The following ARL6IP5 variants were observed in gnomAD, a reference collection of about 807,000 sequenced individuals.
ARL6IP5 encodes the protein ARF like GTPase 6 interacting protein 5.
Under a neutral mutation model 13.0 loss-of-function variants are expected in ARL6IP5, and 6 were observed. The ratio of observed to expected loss-of-function variants is 0.46; its 90% confidence interval spans 0.25 to 0.91. The LOEUF is 0.91. Ranked by LOEUF, ARL6IP5 falls within the 40% of genes least tolerant of loss-of-function variation. ARL6IP5 has a pLI of 0.17. For synonymous variants in ARL6IP5, 91 were observed against 91.9 expected (o/e 0.99, Z 0.06); for missense variants, 208 against 248.8 (o/e 0.84, Z 1.10).
intron 1 of ARL6IP5, among the ~76,000 whole-genome samples, chr3:69,090,924 T>C (rs1453142775): frequency 6.6e-6 from 1 of 152,230 alleles, no homozygotes; most frequent in Non-Finnish European, 1.5e-5. Flanking sequence ...AGGCTGGACA[T>C]GATGGCTCAC....
rs1251313653 is a variant in ARL6IP5, at chr3:69,104,489, A to G, written c.420A>G (p.Arg140=). ...LLLMFIHASL[R]LRNLKNKLEN... ...TGATGTTTATCCATGCATCGTTGAG[A>G]CTTCGGAACCTCAAGAACAAACTGG... is the stretch of plus-strand genomic sequence containing the variant. Residue 140 remains arginine (R), a synonymous_variant, in exon 3 of 3, where the codon AGA becomes AGG. Coordinates refer to ENST00000273258, the MANE Select transcript of ARL6IP5 (RefSeq NM_006407.4). The G allele has an allele frequency of 6.2e-7, 1 of 1,613,960 alleles. No individual in the cohort carries two copies. The highest frequency in any genetic ancestry group is 8.5e-7 in the Non-Finnish European group (1 of 1,179,896).
chr3:69,090,056 T>TTCTA, intron 1 of ARL6IP5: 1 of 275,726 alleles, frequency 3.6e-6, no homozygotes, highest in Non-Finnish European at 7.3e-6. Flanking sequence ...CTGTAATATG[T>TTCTA]TCTAGGCCTG....
Position 69,089,326 on chromosome 3 carries a change from G to A in ARL6IP5, c.176+4103G>A, listed in dbSNP as rs146055670. ...AGAAATACTGATCCTCTTGAACCCC[G>A]TAACTTCTGAAATGTAAAAGCTCGA... is the stretch of plus-strand genomic sequence containing the variant. On this transcript the variant is annotated intron_variant, in intron 1 of 2. Transcript: ENST00000273258. Among the ~76,000 whole-genome samples, 25 of 152,092 alleles carry A rather than the reference G, an allele frequency of 1.6e-4. 1 individual carries two copies. The highest frequency in any genetic ancestry group is 5.5e-4 in the African/African-American group (23 of 41,496).
chr3:69,086,404 G>T (rs776486120), intron 1 of ARL6IP5, among the ~76,000 whole-genome samples: 1 of 152,234 alleles, frequency 6.6e-6, no homozygotes, highest in Non-Finnish European at 1.5e-5. Context: ...ACAGAGGAGA[G>T]GGGGAGACTT....
intron 1 of ARL6IP5, among the ~76,000 whole-genome samples, chr3:69,094,411 GT>G (rs1384370513): frequency 1.3e-5 from 2 of 152,212 alleles, no homozygotes; most frequent in African/African-American, 4.8e-5. Flanking sequence ...CTTGTAGAAT[GT>G]TTAAAGAATT....
chr3:69,085,311 C>G, intron 1 of ARL6IP5, 88 bp downstream of exon 1: 2 of 1,458,506 alleles, frequency 1.4e-6, no homozygotes, highest in Admixed American at 4.3e-5. Flanking sequence ...TAGAGACGCT[C>G]TCTGACCACG....
intron 1 of ARL6IP5, among the ~76,000 whole-genome samples, chr3:69,090,547 A>G (rs1308569097): frequency 1.3e-5 from 2 of 152,200 alleles, no homozygotes; most frequent in Non-Finnish European, 2.9e-5. Context: ...TCCCCTGTAC[A>G]TTATTACTCC....
In ARL6IP5 at chr3:69,085,105, C is replaced by G; in HGVS notation, c.58C>G (p.Arg20Gly). ...AWDDFFPGSD[R>G]FARPDFRDIS... Reference sequence around the variant, plus strand: ...GGACGATTTCTTCCCGGGTTCCGATCGCTTTGCCCGGCCGGACTTCAGGGA... The same window carrying G: ...GGACGATTTCTTCCCGGGTTCCGATGGCTTTGCCCGGCCGGACTTCAGGGA... The change falls in exon 1 of 3, where the codon CGC becomes GGC. Residue 20 changes from arginine (R) to glycine (G), a missense_variant. Coordinates refer to ENST00000273258, the MANE Select transcript of ARL6IP5 (RefSeq NM_006407.4). The G allele has an allele frequency of 3.1e-6, 5 of 1,614,220 alleles. No individual in the cohort carries two copies. The East Asian group carries it at 8.9e-5, about 29-fold the overall frequency.
At chr3:69,103,377 GCTGTAGT>G (rs1432936765) in intron 2 of ARL6IP5, among the ~76,000 whole-genome samples, 1 of 152,206 alleles carries the variant, frequency 6.6e-6, no homozygotes, top group Non-Finnish European at 1.5e-5. Context: ...TCCTATATGG[GCTGTAGT>G]TCACTCATCT....
At chr3:69,097,195 C>G (rs889791084) in intron 1 of ARL6IP5, among the ~76,000 whole-genome samples, 2 of 152,132 alleles carry the variant, frequency 1.3e-5, no homozygotes, top group African/African-American at 4.8e-5. Context: ...GGATCTCACT[C>G]TGTTACCCAG....
At chr3:69,095,652 GC>G (rs781310946) in intron 1 of ARL6IP5, among the ~76,000 whole-genome samples, 3 of 152,014 alleles carry the variant, frequency 2.0e-5, no homozygotes, top group Non-Finnish European at 4.4e-5. Context: ...GCGCCACCAC[GC>G]CCAGCTAATT....
At chr3:69,092,819 CT>C (rs201632976) in intron 1 of ARL6IP5, among the ~76,000 whole-genome samples, 19,523 of 139,622 alleles carry the variant, frequency 0.14, 1,332 homozygotes, top group East Asian at 0.28. Context: ...TGTACCCAGC[CT>C]TTTTTTTTTT....
chr3:69,087,618 C>T (rs1480328803), intron 1 of ARL6IP5, among the ~76,000 whole-genome samples: 8 of 152,230 alleles, frequency 5.3e-5, no homozygotes, highest in Non-Finnish European at 1.0e-4. Context: ...AAATATAGCT[C>T]CGTCAGTATT....
intron 1 of ARL6IP5, among the ~76,000 whole-genome samples, chr3:69,098,491 C>T (rs1402114976): frequency 5.3e-5 from 8 of 152,028 alleles, no homozygotes; most frequent in East Asian, 1.9e-4. Flanking sequence ...GTGATCTGCC[C>T]GCCTCAGCCT....
chr3:69,100,959 T>C (rs1373859896), intron 1 of ARL6IP5, among the ~76,000 whole-genome samples: 1 of 152,048 alleles, frequency 6.6e-6, no homozygotes, highest in East Asian at 1.9e-4. Context: ...CTAGCACTGT[T>C]ATTTTCTTGT....
At chr3:69,104,339 G>A in intron 2 of ARL6IP5, 125 bp from the exon 3 acceptor site, 5 of 930,100 alleles carry the variant, frequency 5.4e-6, no homozygotes, top group South Asian at 3.8e-5. Flanking sequence ...GCATCAATTC[G>A]AGAAGCAGAC....
chr3:69,087,374 C>G (rs1417249358), intron 1 of ARL6IP5, among the ~76,000 whole-genome samples: 5 of 151,870 alleles, frequency 3.3e-5, no homozygotes, highest in Non-Finnish European at 5.9e-5. Context: ...TTTTTTCTTT[C>G]TCTTTGCAAA....
At chr3:69,085,443 C>G (rs1200315455) in intron 1 of ARL6IP5, among the ~76,000 whole-genome samples, 1 of 152,164 alleles carries the variant, frequency 6.6e-6, no homozygotes, top group East Asian at 1.9e-4. Flanking sequence ...GAGGGGGGCC[C>G]TAGGGGAAAG....
At chr3:69,092,820 T>A (rs75868910) in intron 1 of ARL6IP5, among the ~76,000 whole-genome samples, 1 of 100,318 alleles carries the variant, frequency 1.0e-5, no homozygotes. Context: ...GTACCCAGCC[T>A]TTTTTTTTTT....
Sources: allele counts gnomAD v4.1 joint callset (sites outside exome capture counted in the v4.1 genomes callset), GRCh38; gene constraint gnomAD v4.1.1; transcripts MANE v1.5; gene names NCBI Gene and HGNC (gene_info 2026-07-23, HGNC 2026-07-21).